Variants in SERPINA12 observed in about 807,000 individuals in gnomAD.
SERPINA12 encodes the protein serpin family A member 12, also known as serpin A12.
SERPINA12 carries 21 observed loss-of-function variants against 25.9 expected under a neutral mutation model. The observed-to-expected ratio is 0.81, with a 90% confidence interval of 0.58 to 1.17. The LOEUF (loss-of-function observed/expected upper bound fraction) is 1.17. Ranked by LOEUF, SERPINA12 falls within the 50% of genes most tolerant of loss-of-function variation. SERPINA12 has a pLI of 0.00. For synonymous variants in SERPINA12, 220 were observed against 196.0 expected (o/e 1.12, Z -1.02); for missense variants, 562 against 508.3 (o/e 1.11, Z -1.02).
At chr14:94,515,778 T>C (rs1009873085) in intron 2 of SERPINA12, 5 of 152,252 alleles carry the variant, frequency 3.3e-5, no homozygotes, top group Non-Finnish European at 7.3e-5. Context: ...GGATTTTGAG[T>C]TGAGCAGACC....
chr14:94,516,505 A>ACACCAGGTGCAC (rs1901237880), intron 1 of SERPINA12, among the ~76,000 whole-genome samples: 1 of 152,116 alleles, frequency 6.6e-6, no homozygotes, highest in African/African-American at 2.4e-5. Context: ...CTGTTCACAA[A>ACACCAGGTGCAC]CACCAGGTGC....
At chr14:94,513,996 G>A (rs1310900215), upstream of SERPINA12, among the ~76,000 whole-genome samples, 1 of 152,060 alleles carries the variant, frequency 6.6e-6, no homozygotes, top group Non-Finnish European at 1.5e-5. Context: ...GCATGGTGCG[G>A]GCCTAGACTC....
rs116836780 is a variant in SERPINA12, at chr14:94,491,679, G to T, written c.906-1912C>A. On this transcript the variant is annotated intron_variant, in intron 3 of 4. Transcript: ENST00000677451. ...AATGAGGCATTTGAGGGTGGTCAGG[G>T]TGACTCCAAGGTTTTTGGCTTGAGC... Among the ~76,000 whole-genome samples, 1,000 of 152,218 alleles carry T rather than the reference G, an allele frequency of 6.6e-3. 16 individuals are homozygous for T. Among genetic ancestry groups the T allele is most frequent in the African/African-American group, 0.023 (967 of 41,524 alleles).
At chr14:94,505,335 C>G (rs913962722) in intron 1 of SERPINA12, among the ~76,000 whole-genome samples, 1 of 152,202 alleles carries the variant, frequency 6.6e-6, no homozygotes, top group Non-Finnish European at 1.5e-5. Flanking sequence ...TGAACAAGGA[C>G]ATGGGGATAT....
chr14:94,506,965 A>G (rs1900950716), intron 1 of SERPINA12, among the ~76,000 whole-genome samples: 1 of 152,270 alleles, frequency 6.6e-6, no homozygotes. Flanking sequence ...AAGCTGACCA[A>G]TGGAACAGAC....
rs1455200549 is a variant in SERPINA12 at position 94,493,436 on chromosome 14, G to A, written c.905+2937C>T. 3.3e-5 allele frequency among the ~76,000 whole-genome samples: 5 copies of A among 152,144 alleles called. No individual in the cohort carries two copies. The East Asian group carries it at 7.7e-4, about 23-fold the overall frequency. On this transcript the variant is annotated intron_variant, in intron 3 of 4. Transcript: ENST00000677451. ...CCTTCCTTTCTATGGCCCTCCTGGT[G>A]GGGAGGCCTGGCCTCAAGTCAAGGA... is the stretch of plus-strand genomic sequence containing the variant.
exon 2 of SERPINA12, chr14:94,515,976 C>A (rs1014396667): frequency 2.0e-5 from 3 of 152,370 alleles, no homozygotes; most frequent in Admixed American, 6.5e-5. Flanking sequence ...CCCGCAGCAT[C>A]CAAGGTGGCG....
At position 94,498,271 on chromosome 14, in the gene SERPINA12, T is replaced by C. The variant is rs762348929; in HGVS notation, c.127A>G (p.Met43Val). ...LSEVQGWKQR[M>V]AAKELARQNM... ...TGCCTTGCAAGCTCCTTGGCTGCCA[T>C]CCTTTGCTTCCATCCTTGGACCTCG... Residue 43 changes from methionine (M) to valine (V), a missense_variant, in exon 2 of 5, where the codon ATG (methionine) becomes GTG (valine). Coordinates refer to ENST00000677451, the MANE Select transcript of SERPINA12 (RefSeq NM_001382267.1). 6.2e-7 allele frequency: 1 copy of C among 1,614,222 alleles called. No individual in the cohort carries two copies. Among genetic ancestry groups the C allele is most frequent in the Non-Finnish European group, 8.5e-7 (1 of 1,180,034 alleles).
chr14:94,495,064 C>A (rs7158638), intron 3 of SERPINA12, among the ~76,000 whole-genome samples: 3,011 of 98,326 alleles, frequency 0.031, 123 homozygotes, highest in African/African-American at 0.1. Context: ...ATTTCCCTTT[C>A]TTTTTTTTTT....
At chr14:94,499,304 G>A (rs1018419909) in intron 1 of SERPINA12, among the ~76,000 whole-genome samples, 5 of 152,098 alleles carry the variant, frequency 3.3e-5, no homozygotes, top group African/African-American at 9.7e-5. Context: ...GGTCTGCCTG[G>A]CTCTGGACTG....
intron 1 of SERPINA12, among the ~76,000 whole-genome samples, chr14:94,516,999 A>G (rs995323632): frequency 6.6e-6 from 1 of 152,204 alleles, no homozygotes; most frequent in African/African-American, 2.4e-5. Flanking sequence ...ACCAAGGGGG[A>G]GGAAAAAGCC....
intron 4 of SERPINA12, among the ~76,000 whole-genome samples, chr14:94,489,045 T>C (rs2139843628): frequency 6.6e-6 from 1 of 151,092 alleles, no homozygotes; most frequent in East Asian, 2.0e-4. Flanking sequence ...TGCAGTGAGC[T>C]GAGATCGCAC....
At chr14:94,497,426 A>ATTACT (rs1483500437) in intron 2 of SERPINA12, among the ~76,000 whole-genome samples, 6 of 152,322 alleles carry the variant, frequency 3.9e-5, no homozygotes, top group African/African-American at 1.4e-4. Flanking sequence ...AACTTGGAGT[A>ATTACT]AGTCAGTTAA....
chr14:94,513,500 C>A (rs868542218), upstream of SERPINA12, among the ~76,000 whole-genome samples: 18 of 152,154 alleles, frequency 1.2e-4, no homozygotes, highest in Non-Finnish European at 1.3e-4. Flanking sequence ...AGCCGTGCAA[C>A]CCTCCTCAAG....
Position 94,491,789 on chromosome 14 carries a change from G to T in SERPINA12, c.906-2022C>A, listed in dbSNP as rs539656674. On this transcript the variant is annotated intron_variant, in intron 3 of 4. Coordinates refer to ENST00000677451, the MANE Select transcript of SERPINA12 (RefSeq NM_001382267.1). Reference sequence around the variant, plus strand: ...GACAGATCAGGAAGTCATTCTGGATGTGTTGACACTAAGCTCCAATTACAC... The same window carrying T: ...GACAGATCAGGAAGTCATTCTGGATTTGTTGACACTAAGCTCCAATTACAC... 4.6e-5 allele frequency among the ~76,000 whole-genome samples: 7 copies of T among 152,246 alleles called. No individual in the cohort carries two copies. The East Asian group carries it at 1.3e-3, about 29-fold the overall frequency.
rs575041968 is a variant in SERPINA12 at position 94,500,636 on chromosome 14, T to A, written c.-33-2206A>T. 4.6e-5 allele frequency among the ~76,000 whole-genome samples: 7 copies of A among 152,232 alleles called. No individual in the cohort carries two copies. In the South Asian group the frequency reaches 1.5e-3, roughly 32 times the overall value. On this transcript the variant is annotated intron_variant, in intron 1 of 4. Transcript: ENST00000677451. ...GTGCTGGCCTGTCTCTTTCCTGGGA[T>A]GTCCTGGGCAGGAAGGCACGGCAGG... is the stretch of plus-strand genomic sequence containing the variant.
intron 3 of SERPINA12, among the ~76,000 whole-genome samples, chr14:94,492,066 G>T (rs1359514009): frequency 1.3e-5 from 2 of 152,140 alleles, no homozygotes; most frequent in African/African-American, 2.4e-5. Context: ...AGAGGTGGGA[G>T]GTGATGTGAG....
chr14:94,489,502 C>T, intron 4 of SERPINA12, 118 bp downstream of exon 4: 1 of 1,206,500 alleles, frequency 8.3e-7, no homozygotes, highest in Non-Finnish European at 1.1e-6. Flanking sequence ...GCATTCATGC[C>T]CGCCCCGACT....
intron 2 of SERPINA12, among the ~76,000 whole-genome samples, chr14:94,514,646 T>C (rs900102275): frequency 6.6e-6 from 1 of 152,166 alleles, no homozygotes; most frequent in Admixed American, 6.5e-5. Context: ...GGCCGGATGC[T>C]CTCTGAGCCA....
Sources: allele counts gnomAD v4.1 joint callset (sites outside exome capture counted in the v4.1 genomes callset), GRCh38; gene constraint gnomAD v4.1.1; transcripts MANE v1.5; gene names NCBI Gene and HGNC (gene_info 2026-07-23, HGNC 2026-07-21).